Variants in DOCK9 observed in about 807,000 individuals in gnomAD.
DOCK9 encodes the protein dedicator of cytokinesis protein 9.
In DOCK9, 89 loss-of-function variants were observed where a neutral mutation model predicts 263.3. That is an observed-to-expected ratio of 0.34 (90% CI 0.28 to 0.40). The LOEUF is 0.40. Ranked by LOEUF, DOCK9 falls within the 10% of genes least tolerant of loss-of-function variation. The pLI, the probability that DOCK9 is intolerant of heterozygous loss-of-function variation, is 1.00. For synonymous variants in DOCK9, 976 were observed against 973.1 expected (o/e 1.00, Z -0.06); for missense variants, 2,140 against 2,603.4 (o/e 0.82, Z 3.87).
chr13:98,989,352 A>G lies in DOCK9; in HGVS notation c.130-33801T>C, dbSNP rs138095478. Among the ~76,000 whole-genome samples, 211 of 113,850 alleles carry G rather than the reference A, an allele frequency of 1.9e-3. 2 individuals are homozygous for G. The East Asian group carries it at 0.034, about 18-fold the overall frequency. 74.7% of individuals were successfully genotyped at this position (113,850 alleles called of 152,430 possible). On this transcript the variant is annotated intron_variant, in intron 1 of 32. Coordinates refer to the DOCK9 transcript ENST00000427887. The stretch of plus-strand genomic sequence containing the variant: ...TGATGATGATGATGATGATGATAAT[A>G]ATAATAATAATAATAATAATAATAA...
At chr13:98,855,504 G>T (rs193289526) in intron 34 of DOCK9, among the ~76,000 whole-genome samples, 2 of 152,090 alleles carry the variant, frequency 1.3e-5, no homozygotes, top group African/African-American at 4.8e-5. Flanking sequence ...CCCAGGAGGC[G>T]GAGGTTGCAG....
chr13:99,026,873 T>C (rs1394652495), intron 1 of DOCK9, among the ~76,000 whole-genome samples: 1 of 151,800 alleles, frequency 6.6e-6, no homozygotes, highest in Admixed American at 6.6e-5. Context: ...AAGATAAACA[T>C]TACATAAAGA....
intron 21 of DOCK9, 90 bp downstream of exon 21, chr13:98,884,880 CT>C: frequency 7.2e-7 from 1 of 1,396,902 alleles, no homozygotes; most frequent in Non-Finnish European, 9.7e-7. Flanking sequence ...AGCAAAAATA[CT>C]GTTTGCTTTT....
In DOCK9 at chr13:98,868,219, GGAGGTCCCCACCTT is replaced by G. The variant is rs2094094598; in HGVS notation, c.3088_3090+11del. On this transcript the variant is annotated splice_donor_variant and splice_donor_5th_base_variant and coding_sequence_variant and intron_variant, in exon 28 of 53. Coordinates refer to ENST00000682017, the MANE Select transcript of DOCK9 (RefSeq NM_001366683.2). LOFTEE classifies it high-confidence loss of function. ...TCCCATAACTGATATCCTCTTCCCTGGAGGTCCCCACCTTGATGAAGACAGCAAGGCTATGATTC... is the reference window on the plus strand; with the variant it reads ...TCCCATAACTGATATCCTCTTCCCTGGATGAAGACAGCAAGGCTATGATTC... 6.2e-7 allele frequency: 1 copy of G among 1,613,322 alleles called. No individual in the cohort carries two copies. The highest frequency in any genetic ancestry group is 8.5e-7 in the Non-Finnish European group (1 of 1,179,672).
intron 30 of DOCK9, among the ~76,000 whole-genome samples, chr13:98,866,899 T>A (rs576331826): frequency 4.6e-5 from 7 of 152,342 alleles, no homozygotes; most frequent in South Asian, 4.1e-4. Flanking sequence ...AATGTCTTAG[T>A]TCCAGTGAAA....
intron 1 of DOCK9, among the ~76,000 whole-genome samples, chr13:98,985,576 G>A (rs753651564): frequency 4.4e-4 from 67 of 152,100 alleles, no homozygotes; most frequent in South Asian, 2.1e-4. Flanking sequence ...GGACACCAAC[G>A]GTTTTTCTGT....
intron 49 of DOCK9, 60 bp downstream of exon 49, chr13:98,804,939 C>G (rs1230133443): frequency 6.5e-7 from 1 of 1,535,344 alleles, no homozygotes; most frequent in Non-Finnish European, 8.8e-7. Flanking sequence ...CTGAATCCCT[C>G]TGGACAGCTC....
At chr13:98,938,934 C>T (rs2140472432) in intron 2 of DOCK9, among the ~76,000 whole-genome samples, 1 of 122,570 alleles carries the variant, frequency 8.2e-6, no homozygotes, top group East Asian at 2.2e-4. Context: ...GAGCCAGCTG[C>T]TGGAACCAGT....
chr13:98,942,813 A>C (rs778695996), intron 2 of DOCK9, among the ~76,000 whole-genome samples: 3 of 152,168 alleles, frequency 2.0e-5, no homozygotes, highest in Non-Finnish European at 4.4e-5. Flanking sequence ...CCTGTACAAC[A>C]TGGGACTGTG....
intron 1 of DOCK9, among the ~76,000 whole-genome samples, chr13:99,073,899 C>A (rs11618909): frequency 0.22 from 33,346 of 152,104 alleles, 3,649 homozygotes; most frequent in Middle Eastern, 0.31. Flanking sequence ...ATTTTTAAAG[C>A]CAAAACTCTT....
At chr13:98,994,105 AT>A (rs780061536) in intron 1 of DOCK9, among the ~76,000 whole-genome samples, 1 of 152,344 alleles carries the variant, frequency 6.6e-6, no homozygotes, top group East Asian at 1.9e-4. Context: ...AAATAAAAAA[AT>A]AATCAATGGA....
chr13:99,025,693 C>T (rs958719670), intron 1 of DOCK9, among the ~76,000 whole-genome samples: 13 of 152,218 alleles, frequency 8.5e-5, no homozygotes, highest in Non-Finnish European at 1.9e-4. Flanking sequence ...AGCAATTCCA[C>T]TCCTAGATGC....
chr13:98,975,049 A>G (rs1260879495), intron 1 of DOCK9, among the ~76,000 whole-genome samples: 1 of 152,226 alleles, frequency 6.6e-6, no homozygotes, highest in Non-Finnish European at 1.5e-5. Context: ...CGATCCAATT[A>G]TAGTACAGAC....
At chr13:98,889,904 G>T (rs918263682) in intron 15 of DOCK9, among the ~76,000 whole-genome samples, 2 of 152,150 alleles carry the variant, frequency 1.3e-5, no homozygotes, top group African/African-American at 4.8e-5. Flanking sequence ...TATTAACACA[G>T]CCTCAAAGCT....
intron 1 of DOCK9, among the ~76,000 whole-genome samples, chr13:99,040,479 CAT>C (rs1595964350): frequency 6.6e-6 from 1 of 152,098 alleles, no homozygotes; most frequent in East Asian, 1.9e-4. Flanking sequence ...CCAACAATAT[CAT>C]AGTCAGAAAT....
At chr13:99,043,196 T>C (rs573869819) in intron 1 of DOCK9, among the ~76,000 whole-genome samples, 1 of 152,342 alleles carries the variant, frequency 6.6e-6, no homozygotes, top group African/African-American at 2.4e-5. Context: ...TCTTCCTTGG[T>C]CAGCTCCAAA....
Position 98,880,559 on chromosome 13 carries a change from G to A in DOCK9, c.2859C>T (p.Asn953=). 1.2e-6 allele frequency: 2 copies of A among 1,613,896 alleles called. No homozygotes were observed. The highest frequency in any genetic ancestry group is 3.3e-4 in the Middle Eastern group (2 of 6,060). The stretch of plus-strand genomic sequence containing the variant: ...TCTCCTGACATACCTTCAGTAGTTT[G>A]TTGCTGGTGAGGAAATCGGCAGAAG... ...LKPSADFLTS[N]KLLKYSWFFF... The change falls in exon 26 of 53, where the codon AAC becomes AAT. Residue 953 remains asparagine (N), a synonymous_variant. Coordinates refer to ENST00000682017, the MANE Select transcript of DOCK9 (RefSeq NM_001366683.2).
chr13:98,971,662 C>G (rs762042562), intron 1 of DOCK9, among the ~76,000 whole-genome samples: 1 of 152,056 alleles, frequency 6.6e-6, no homozygotes, highest in African/African-American at 2.4e-5. Flanking sequence ...GAACCGAGAT[C>G]GCACCACTGC....
intron 1 of DOCK9, among the ~76,000 whole-genome samples, chr13:98,962,149 AAT>A (rs1220466269): frequency 6.6e-6 from 1 of 152,226 alleles, no homozygotes; most frequent in African/African-American, 2.4e-5. Context: ...GAAGAATGAT[AAT>A]ACAAAATCAT....
Sources: allele counts gnomAD v4.1 joint callset (sites outside exome capture counted in the v4.1 genomes callset), GRCh38; gene constraint gnomAD v4.1.1; transcripts MANE v1.5; gene names NCBI Gene and HGNC (gene_info 2026-07-23, HGNC 2026-07-21).